The following CENPP variants were observed in gnomAD, a reference collection of about 807,000 sequenced individuals.
CENPP encodes centromere protein P.
Under a neutral mutation model 35.6 loss-of-function variants are expected in CENPP, and 24 were observed. That is an observed-to-expected ratio of 0.67 (90% confidence interval 0.49 to 0.95). The LOEUF (loss-of-function observed/expected upper bound fraction) is 0.95, where lower values mean the gene tolerates loss of function less well. Ranked by LOEUF, CENPP falls within the 40% of genes least tolerant of loss-of-function variation. CENPP has a pLI of 0.00. For synonymous variants in CENPP, 120 were observed against 125.5 expected, an observed-to-expected ratio of 0.96 and a Z score of 0.29; for missense variants, 332 against 345.3, an observed-to-expected ratio of 0.96 and a Z score of 0.31.
intron 5 of CENPP, among the ~76,000 whole-genome samples, chr9:92,468,569 T>C (rs1845398080): frequency 6.6e-6 from 1 of 152,212 alleles, no homozygotes; most frequent in Non-Finnish European, 1.5e-5. Flanking sequence ...AACAAGCAGC[T>C]AAAACTTAAC....
rs1851402193 is a variant in CENPP at position 92,615,439 on chromosome 9, G to A, written c.*2290G>A. ...TTCTTAAAAGTCCAAACTGTAAAAT[G>A]TATGTGACAATTCAAGTTTTCTATG... is the stretch of plus-strand genomic sequence containing the variant. On this transcript the variant is annotated 3_prime_UTR_variant, in exon 8 of 8. Coordinates refer to ENST00000375587, the MANE Select transcript of CENPP (RefSeq NM_001012267.3). 2 of 190,054 alleles carry A rather than the reference G, an allele frequency of 1.1e-5. No homozygotes were observed. The highest frequency in any genetic ancestry group is 1.6e-4 in the East Asian group (1 of 6,302). The allele number at this position is 190,054 out of a possible 1,614,324, so 11.8% of individuals were successfully genotyped here. A position where few individuals can be genotyped will look rare whatever the true frequency, so the allele number is the denominator to read the frequency against.
intron 5 of CENPP, among the ~76,000 whole-genome samples, chr9:92,482,883 C>G (rs1191509156): frequency 6.6e-6 from 1 of 151,516 alleles, no homozygotes; most frequent in Non-Finnish European, 1.5e-5. Context: ...ATGACTGTAG[C>G]TATTGCATTA....
At chr9:92,534,655 GA>G (rs1301949958) in intron 5 of CENPP, among the ~76,000 whole-genome samples, 9 of 152,138 alleles carry the variant, frequency 5.9e-5, no homozygotes, top group African/African-American at 1.7e-4. Context: ...ATTGGCACCT[GA>G]AATCATAAAA....
chr9:92,474,788 G>C (rs1438710404), intron 5 of CENPP: 3 of 1,477,026 alleles, frequency 2.0e-6, no homozygotes, highest in Non-Finnish European at 2.8e-6. Flanking sequence ...ATCATCATCT[G>C]TGTCTTCCAT....
intron 5 of CENPP, chr9:92,502,760 A>C: frequency 1.0e-6 from 1 of 977,936 alleles, no homozygotes; most frequent in East Asian, 2.8e-5. Flanking sequence ...TATTATCTAA[A>C]GAGTCTTACT....
intron 5 of CENPP, chr9:92,386,437 G>T: frequency 1.7e-6 from 1 of 586,372 alleles, no homozygotes. Context: ...TATATCAATT[G>T]TTCGTATGGT....
chr9:92,345,552 A>T, intron 3 of CENPP, 147 bp from the exon 4 acceptor site: 1 of 553,186 alleles, frequency 1.8e-6, no homozygotes, highest in Non-Finnish European at 3.2e-6. Flanking sequence ...TATTAGTGAG[A>T]TTGAACTTTT....
rs757893964 is a variant in CENPP at position 92,618,340 on chromosome 9, G to T, written c.*5191G>T. 1 of 456,680 alleles carries T rather than the reference G, an allele frequency of 2.2e-6. No individual in the cohort carries two copies. Among genetic ancestry groups the T allele is most frequent in the Non-Finnish European group, 4.4e-6 (1 of 226,954 alleles). 28.3% of individuals were successfully genotyped at this position (456,680 alleles called of 1,614,324 possible). On this transcript the variant is annotated 3_prime_UTR_variant, in exon 8 of 8. Transcript: ENST00000375587. ...TGTCGTTTCTGCTGAGCAGCTGGTC[G>T]TAAGGACCCGGGCCTTCAGCTTTCC...
chr9:92,393,050 G>A (rs550605390), intron 5 of CENPP: 14 of 1,560,440 alleles, frequency 9.0e-6, no homozygotes, highest in South Asian at 6.9e-5. Context: ...ATACTAATAC[G>A]AGTTAATACT....
intron 5 of CENPP, chr9:92,466,311 CTTGT>C (rs774799220): frequency 7.8e-5 from 97 of 1,237,564 alleles, no homozygotes; most frequent in Admixed American, 1.3e-4. Flanking sequence ...TCTACATCTG[CTTGT>C]TTGTTATAAT....
At chr9:92,533,320 AAAAAAAAAATAT>A (rs1848945197) in intron 5 of CENPP, among the ~76,000 whole-genome samples, 5 of 92,468 alleles carry the variant, frequency 5.4e-5, no homozygotes, top group Admixed American at 2.3e-4. Context: ...AAAAAAAAAA[AAAAAAAAAATAT>A]ATATATATAT....
chr9:92,532,320 G>A (rs1372772264), intron 5 of CENPP, among the ~76,000 whole-genome samples: 1 of 151,838 alleles, frequency 6.6e-6, no homozygotes, highest in East Asian at 1.9e-4. Flanking sequence ...TGTATACAAA[G>A]ATATAATTTT....
rs530858542 is a variant in CENPP, at chr9:92,613,724, G to A, written c.*575G>A. 8.3e-5 allele frequency: 13 copies of A among 157,560 alleles called. No homozygotes were observed. In the South Asian group the frequency reaches 2.4e-3, roughly 29 times the overall value. The allele number at this position is 157,560 out of a possible 1,614,324, so 9.8% of individuals were successfully genotyped here. A position where few individuals can be genotyped will look rare whatever the true frequency, so the allele number is the denominator to read the frequency against. On this transcript the variant is annotated 3_prime_UTR_variant, in exon 8 of 8. Coordinates refer to ENST00000375587, the MANE Select transcript of CENPP (RefSeq NM_001012267.3). ...AGTGAAGCTGTCAGCTTAATAACAAGAATGGCCTAAGACAGCAAAGACAGC... is the reference window on the plus strand; with the variant it reads ...AGTGAAGCTGTCAGCTTAATAACAAAAATGGCCTAAGACAGCAAAGACAGC...
At position 92,502,386 on chromosome 9, in the gene CENPP, T is replaced by G. The variant is rs1846732306; in HGVS notation, c.565-108928T>G. 4 of 1,200,790 alleles carry G rather than the reference T, an allele frequency of 3.3e-6. No individual in the cohort carries two copies. The African/African-American group carries it at 6.2e-5, about 19-fold the overall frequency. 74.4% of individuals were successfully genotyped at this position (1,200,790 alleles called of 1,614,324 possible). On this transcript the variant is annotated intron_variant, in intron 5 of 7. Transcript: ENST00000375587. ...AGGGTAAGGGTTCACTAAGAAACGA[T>G]TCTGTCTCCGAGCCCTTCAGTATCG...
chr9:92,494,218 T>G, intron 5 of CENPP: 1 of 1,501,400 alleles, frequency 6.7e-7, no homozygotes, highest in Non-Finnish European at 9.1e-7. Context: ...CATCCCAAGA[T>G]GCTAGTTCTG....
At chr9:92,459,637 G>A in intron 5 of CENPP, 1 of 1,612,044 alleles carries the variant, frequency 6.2e-7, no homozygotes, top group Admixed American at 1.7e-5. Context: ...TTTACCTGGA[G>A]GTATTTCAAC....
chr9:92,351,475 CA>C (rs34297687), intron 4 of CENPP, among the ~76,000 whole-genome samples: 92,562 of 132,502 alleles, frequency 0.7, 31,713 homozygotes, highest in African/African-American at 0.89. Context: ...GAGACTATCT[CA>C]AAAAAAAAAA....
At chr9:92,604,392 ATCT>A (rs1851014682) in intron 5 of CENPP, among the ~76,000 whole-genome samples, 1 of 152,152 alleles carries the variant, frequency 6.6e-6, no homozygotes, top group Non-Finnish European at 1.5e-5. Flanking sequence ...TGGGTTATTT[ATCT>A]TCTTTTTACT....
chr9:92,419,354 G>T (rs1462298909), intron 5 of CENPP, among the ~76,000 whole-genome samples: 1 of 145,112 alleles, frequency 6.9e-6, no homozygotes, highest in African/African-American at 2.6e-5. Context: ...AGACTGGAGT[G>T]CAGTGGTGCG....
Sources: allele counts gnomAD v4.1 joint callset (sites outside exome capture counted in the v4.1 genomes callset), GRCh38; gene constraint gnomAD v4.1.1; transcripts MANE v1.5; gene names NCBI Gene and HGNC (gene_info 2026-07-23, HGNC 2026-07-21).